The following DISP1 variants were observed in gnomAD, a reference collection of about 807,000 sequenced individuals.
DISP1 encodes dispatched RND transporter family member 1.
A neutral mutation model predicts 37.3 loss-of-function variants in DISP1; 30 were observed. That is an observed-to-expected ratio of 0.80 (90% CI 0.60 to 1.09). DISP1 has a LOEUF of 1.09. Among genes scored for constraint, DISP1 ranks in the 50% least tolerant of loss-of-function variants. The pLI, the probability that DISP1 is intolerant of heterozygous loss-of-function variation, is 0.00. For missense variants in DISP1, 1,598 were observed against 1,879.5 expected, an observed-to-expected ratio of 0.85 and a Z score of 2.77; for synonymous variants, 634 against 690.2, an observed-to-expected ratio of 0.92 and a Z score of 1.28.
intron 2 of DISP1, among the ~76,000 whole-genome samples, chr1:222,936,811 AAT>A (rs1558339952): frequency 1.7e-3 from 59 of 34,792 alleles, no homozygotes; most frequent in South Asian, 6.9e-3. Flanking sequence ...TATATATATA[AAT>A]TATATATAAT....
intron 6 of DISP1, 22 bp from the exon 7 acceptor site, chr1:222,991,991 T>C (rs768457009): frequency 3.2e-6 from 5 of 1,578,916 alleles, no homozygotes; most frequent in Non-Finnish European, 4.4e-6. Context: ...TTATTGAAGA[T>C]CAAATTGTCG....
chr1:222,945,286 C>T (rs1674691463), intron 3 of DISP1, among the ~76,000 whole-genome samples: 1 of 150,018 alleles, frequency 6.7e-6, no homozygotes, highest in African/African-American at 2.4e-5. Context: ...ACCACATTTA[C>T]CAAAGCCATT....
At chr1:222,912,721 T>C (rs1672277932) in intron 1 of DISP1, among the ~76,000 whole-genome samples, 1 of 152,258 alleles carries the variant, frequency 6.6e-6, no homozygotes, top group Non-Finnish European at 1.5e-5. Flanking sequence ...AAAGTGTTTC[T>C]TTTTAACTTT....
chr1:222,984,854 G>A (rs1678158321), intron 4 of DISP1, among the ~76,000 whole-genome samples: 1 of 152,116 alleles, frequency 6.6e-6, no homozygotes, highest in Non-Finnish European at 1.5e-5. Context: ...GGGTTTGACT[G>A]CTGTAAGTAC....
In DISP1 at chr1:222,893,842, T is replaced by C. The variant is rs1297303569; in HGVS notation, c.-158-34588T>C. ...CAGCCCTGTTTGTGTTACAGCTCTTTCAGCCCTGCCATTCAGCAGGTCCTA... is the reference window on the plus strand; with the variant it reads ...CAGCCCTGTTTGTGTTACAGCTCTTCCAGCCCTGCCATTCAGCAGGTCCTA... On this transcript the variant is annotated intron_variant, in intron 1 of 8. Coordinates refer to ENST00000675850, the MANE Select transcript of DISP1 (RefSeq NM_001377229.1). The surrounding 1 kb of genome is among the most constrained non-coding windows in gnomAD (Gnocchi z 4.3). Among the ~76,000 whole-genome samples, 1 of 152,190 alleles carries C rather than the reference T, an allele frequency of 6.6e-6. No individual in the cohort carries two copies. The highest frequency in any genetic ancestry group is 1.5e-5 in the Non-Finnish European group (1 of 68,028).
At chr1:222,983,042 G>A in intron 3 of DISP1, 38 bp from the exon 4 acceptor site, 6 of 1,527,020 alleles carry the variant, frequency 3.9e-6, no homozygotes, top group Non-Finnish European at 5.4e-6. Context: ...ATGATGCTCT[G>A]TTTTTGATCA....
At chr1:222,957,145 T>TAAAAAAAAAAAAA (rs35888809) in intron 3 of DISP1, among the ~76,000 whole-genome samples, 2 of 103,266 alleles carry the variant, frequency 1.9e-5, no homozygotes, top group Non-Finnish European at 3.8e-5. Context: ...TTTACTATTG[T>TAAAAAAAAAAAAA]AAAAAAAAAA....
rs1018118046 is a variant in DISP1, at chr1:222,893,888, G to C, written c.-158-34542G>C. Among the ~76,000 whole-genome samples, 6 of 152,162 alleles carry C rather than the reference G, an allele frequency of 3.9e-5. No individual in the cohort carries two copies. The highest frequency in any genetic ancestry group is 1.3e-4 in the Admixed American group (2 of 15,282). ...TCCTAAGTTCTTGTCCCGTGTCCAG[G>C]AATAATGAGGTACATGGACAACTGG... On this transcript the variant is annotated intron_variant, in intron 1 of 8. Coordinates refer to ENST00000675850, the MANE Select transcript of DISP1 (RefSeq NM_001377229.1). This position sits in a 1 kb window ranked among gnomAD's most constrained non-coding sequence, Gnocchi z 4.3.
At chr1:222,819,515 T>TACAC (rs71175197) in intron 1 of DISP1, among the ~76,000 whole-genome samples, 17,832 of 139,094 alleles carry the variant, frequency 0.13, 1,468 homozygotes, top group South Asian at 0.21. Flanking sequence ...GTTATATACA[T>TACAC]ACACACACAC....
At chr1:222,863,510 A>G (rs1207041885) in intron 1 of DISP1, among the ~76,000 whole-genome samples, 1 of 150,814 alleles carries the variant, frequency 6.6e-6, no homozygotes, top group African/African-American at 2.4e-5. Context: ...GTACTCCAGC[A>G]TGGGTGACAG....
At chr1:222,878,529 G>T (rs541998319) in intron 1 of DISP1, among the ~76,000 whole-genome samples, 20 of 152,226 alleles carry the variant, frequency 1.3e-4, no homozygotes, top group African/African-American at 4.6e-4. Flanking sequence ...TGTTTTAAGT[G>T]TTTTTGTATA....
At chr1:222,952,438 G>A (rs1197379195) in intron 3 of DISP1, among the ~76,000 whole-genome samples, 1 of 152,130 alleles carries the variant, frequency 6.6e-6, no homozygotes, top group African/African-American at 2.4e-5. Flanking sequence ...TAGAATAACA[G>A]CAATATTTGA....
intron 2 of DISP1, among the ~76,000 whole-genome samples, chr1:222,934,759 A>G (rs998301992): frequency 2.6e-5 from 4 of 152,132 alleles, no homozygotes; most frequent in African/African-American, 9.7e-5. Flanking sequence ...ATCTCAGTTA[A>G]CTAGGCAGGG....
At chr1:222,822,901 T>C (rs947723727) in intron 1 of DISP1, among the ~76,000 whole-genome samples, 14 of 152,216 alleles carry the variant, frequency 9.2e-5, no homozygotes, top group African/African-American at 3.1e-4. Flanking sequence ...ATTAAAATCA[T>C]CAATTTCTCT....
chr1:222,869,950 C>G (rs2125341712), intron 1 of DISP1, among the ~76,000 whole-genome samples: 2 of 152,164 alleles, frequency 1.3e-5, no homozygotes, highest in East Asian at 3.9e-4. Flanking sequence ...TCCCCCCACC[C>G]CACAACAGTC....
At chr1:222,943,970 T>C (rs554328390) in intron 3 of DISP1, among the ~76,000 whole-genome samples, 1 of 151,468 alleles carries the variant, frequency 6.6e-6, no homozygotes, top group East Asian at 2.0e-4. Flanking sequence ...GTGGAGGTTG[T>C]GGTGAGCCGA....
In DISP1 at chr1:222,884,172, G is replaced by A. The variant is rs571890715; in HGVS notation, c.-158-44258G>A. ...ATTCTTATCCCTTCACCTGGCCCAG[G>A]GATTTTTTTTTTTAACTTTTTATTT... On this transcript the variant is annotated intron_variant, in intron 1 of 8. Coordinates refer to ENST00000675850, the MANE Select transcript of DISP1 (RefSeq NM_001377229.1). 1.3e-4 allele frequency among the ~76,000 whole-genome samples: 20 copies of A among 151,768 alleles called. No individual in the cohort carries two copies. In the East Asian group the frequency reaches 3.7e-3, roughly 28 times the overall value.
chr1:222,984,563 A>G (rs927267865), intron 4 of DISP1, among the ~76,000 whole-genome samples: 1 of 150,990 alleles, frequency 6.6e-6, no homozygotes, highest in African/African-American at 2.4e-5. Context: ...ACATGTTGAC[A>G]TACTTTAAAT....
intron 3 of DISP1, among the ~76,000 whole-genome samples, chr1:222,978,475 G>C (rs1277418836): frequency 6.6e-6 from 1 of 152,184 alleles, no homozygotes; most frequent in African/African-American, 2.4e-5. Flanking sequence ...TAGGTTGCCT[G>C]TTCACTCTGT....
Sources: allele counts gnomAD v4.1 joint callset (sites outside exome capture counted in the v4.1 genomes callset), GRCh38; gene constraint gnomAD v4.1.1; non-coding constraint Gnocchi (gnomAD v3.1); transcripts MANE v1.5; gene names NCBI Gene and HGNC (gene_info 2026-07-23, HGNC 2026-07-21).